LUZP2: variants seen among roughly 807,000 people sequenced by gnomAD.
LUZP2 encodes the protein leucine zipper protein 2.
LUZP2 carries 52 observed loss-of-function variants against 51.6 expected under a neutral mutation model. That is an observed-to-expected ratio of 1.01 (90% CI 0.81 to 1.27). The LOEUF (loss-of-function observed/expected upper bound fraction) is 1.27, where lower values mean the gene tolerates loss of function less well. LUZP2 is among the 50% of genes most tolerant of loss of function. The pLI, the probability that LUZP2 is intolerant of heterozygous loss-of-function variation, is 0.00. For synonymous variants in LUZP2, 154 were observed against 137.3 expected (o/e 1.12, Z -0.85); for missense variants, 436 against 395.4 (o/e 1.10, Z -0.87).
chr11:25,034,714 G>A (rs183286239), intron 9 of LUZP2, among the ~76,000 whole-genome samples: 83 of 152,150 alleles, frequency 5.5e-4, no homozygotes, highest in African/African-American at 2.0e-3. Context: ...TGGCCTTGTC[G>A]AAGATGAAAT....
At chr11:24,660,803 T>G (rs1050980037) in intron 1 of LUZP2, among the ~76,000 whole-genome samples, 6 of 152,126 alleles carry the variant, frequency 3.9e-5, no homozygotes, top group Non-Finnish European at 8.8e-5. Context: ...AAACCTTATT[T>G]TTTTTTTACT....
intron 10 of LUZP2, among the ~76,000 whole-genome samples, chr11:25,058,980 G>A (rs930187463): frequency 2.6e-5 from 4 of 152,192 alleles, no homozygotes; most frequent in East Asian, 1.9e-4. Context: ...CATGGTACTC[G>A]ATTTACTTTG....
intron 5 of LUZP2, among the ~76,000 whole-genome samples, chr11:24,861,805 A>G (rs918310556): frequency 2.0e-5 from 3 of 152,208 alleles, no homozygotes; most frequent in Admixed American, 6.5e-5. Context: ...TCGCTCCTGT[A>G]TAGGCTGTCT....
intron 5 of LUZP2, among the ~76,000 whole-genome samples, chr11:24,825,580 G>A (rs1850500465): frequency 6.6e-6 from 1 of 152,090 alleles, no homozygotes; most frequent in Non-Finnish European, 1.5e-5. Context: ...AGTATGAGTA[G>A]GGTCTCAAGG....
intron 1 of LUZP2, among the ~76,000 whole-genome samples, chr11:24,581,691 A>G (rs893130521): frequency 2.9e-5 from 3 of 102,116 alleles, no homozygotes; most frequent in African/African-American, 1.2e-4. Flanking sequence ...ATAAATATAA[A>G]TATAAATATA....
At chr11:24,543,339 G>A (rs1349413199) in intron 1 of LUZP2, among the ~76,000 whole-genome samples, 5 of 151,998 alleles carry the variant, frequency 3.3e-5, no homozygotes, top group African/African-American at 9.7e-5. Flanking sequence ...AGAATACTGT[G>A]CCATTTTTAA....
intron 7 of LUZP2, among the ~76,000 whole-genome samples, chr11:24,922,258 G>A (rs958653868): frequency 4.6e-5 from 7 of 152,104 alleles, no homozygotes; most frequent in African/African-American, 1.7e-4. Flanking sequence ...AGTGGCATGT[G>A]TCATCATTGT....
At chr11:24,961,081 T>C (rs1855384694) in intron 7 of LUZP2, among the ~76,000 whole-genome samples, 1 of 152,154 alleles carries the variant, frequency 6.6e-6, no homozygotes, top group Non-Finnish European at 1.5e-5. Context: ...TAATCCTGAG[T>C]TCTAGTTTGA....
At chr11:24,871,141 G>C (rs1483526021) in intron 5 of LUZP2, among the ~76,000 whole-genome samples, 1 of 151,814 alleles carries the variant, frequency 6.6e-6, no homozygotes, top group East Asian at 1.9e-4. Context: ...TGTTTATCCA[G>C]ATTTACAATT....
intron 2 of LUZP2, 140 bp from the exon 3 acceptor site, chr11:24,731,978 C>G: frequency 1.8e-6 from 1 of 555,648 alleles, no homozygotes. Context: ...TCCTTGGAGC[C>G]GTGAGGACCA....
intron 1 of LUZP2, among the ~76,000 whole-genome samples, chr11:24,590,331 G>A (rs1853216376): frequency 6.6e-6 from 1 of 152,078 alleles, no homozygotes; most frequent in Non-Finnish European, 1.5e-5. Context: ...ACAATTTGAT[G>A]TCTTTGTGCA....
intron 7 of LUZP2, 113 bp from the exon 8 acceptor site, chr11:24,976,472 CTGTTTT>C (rs1855882819): frequency 7.2e-5 from 36 of 499,320 alleles, no homozygotes; most frequent in South Asian, 1.8e-4. Context: ...TTACAGGACA[CTGTTTT>C]TTTTTTTTTT....
rs67317108 is a variant in LUZP2 at position 24,699,086 on chromosome 11, A to AACACACACACAC, written c.63-30052_63-30041dup. Reference sequence around the variant, plus strand: ...TAAATAAATGAAAACAAACCACAGAAACACACACACACACACACACACACA... The same window carrying AACACACACACAC: ...TAAATAAATGAAAACAAACCACAGAAACACACACACACACACACACACACACACACACACACA... On this transcript the variant is annotated intron_variant, in intron 1 of 11. Transcript: ENST00000336930. 1.4e-3 allele frequency among the ~76,000 whole-genome samples: 192 copies of AACACACACACAC among 138,460 alleles called. 1 individual carries two copies. The East Asian group carries it at 0.016, about 12-fold the overall frequency. The allele number at this position is 138,460 out of a possible 152,430, so 90.8% of individuals were successfully genotyped here.
chr11:25,030,081 TTG>T (rs1206923693), intron 9 of LUZP2, among the ~76,000 whole-genome samples: 1 of 152,164 alleles, frequency 6.6e-6, no homozygotes, highest in Non-Finnish European at 1.5e-5. Flanking sequence ...GTCCTAAATT[TTG>T]TGTTTATCGT....
intron 10 of LUZP2, among the ~76,000 whole-genome samples, chr11:25,057,539 T>G (rs1858724325): frequency 6.6e-6 from 1 of 152,226 alleles, no homozygotes; most frequent in Admixed American, 6.5e-5. Flanking sequence ...CCCATTTTCC[T>G]GCAGCTTGCA....
At chr11:24,970,595 A>C (rs2133894986) in intron 7 of LUZP2, among the ~76,000 whole-genome samples, 1 of 152,284 alleles carries the variant, frequency 6.6e-6, no homozygotes, top group African/African-American at 2.4e-5. Flanking sequence ...TAGTTGCCAA[A>C]ATTTTATAAA....
At chr11:24,546,708 A>G (rs562889684) in intron 1 of LUZP2, among the ~76,000 whole-genome samples, 31 of 152,146 alleles carry the variant, frequency 2.0e-4, no homozygotes, top group African/African-American at 7.5e-4. Flanking sequence ...ATCAATGTTC[A>G]TCAAAGATAT....
At chr11:25,011,238 G>A (rs1437868041) in intron 9 of LUZP2, among the ~76,000 whole-genome samples, 3 of 152,154 alleles carry the variant, frequency 2.0e-5, no homozygotes, top group Non-Finnish European at 4.4e-5. Flanking sequence ...GAAAAGGAAT[G>A]GCTTCACAGT....
At position 24,648,077 on chromosome 11, in the gene LUZP2, G is replaced by T. The variant is rs150833466; in HGVS notation, c.63-81092G>T. On this transcript the variant is annotated intron_variant, in intron 1 of 11. Coordinates refer to ENST00000336930, the MANE Select transcript of LUZP2 (RefSeq NM_001009909.4). ...CATGACTTTAATTCTGTAAAATTTT[G>T]ATCTCTAAGTGTTAGATTCATGTTC... 3.1e-3 allele frequency among the ~76,000 whole-genome samples: 464 copies of T among 151,840 alleles called. 1 individual carries two copies. Among genetic ancestry groups the T allele is most frequent in the South Asian group, 0.02 (94 of 4,818 alleles).
Sources: gnomAD v4.1 joint callset for allele counts (sites outside exome capture counted in the v4.1 genomes callset) on GRCh38, gnomAD v4.1.1 for gene constraint, MANE v1.5 for transcripts, NCBI Gene and HGNC (gene_info 2026-07-23, HGNC 2026-07-21) for gene names.